Variants in HRK observed in about 807,000 individuals in gnomAD.
HRK encodes the protein activator of apoptosis harakiri.
A neutral mutation model predicts 5.9 loss-of-function variants in HRK; 6 were observed. That is an observed-to-expected ratio of 1.02 (90% confidence interval 0.56 to 2.01). The LOEUF (loss-of-function observed/expected upper bound fraction) is 2.01. Ranked by LOEUF, HRK falls within the 30% of genes most tolerant of loss-of-function variation. HRK has a pLI of 0.00. For missense variants in HRK, 133 were observed against 128.3 expected (o/e 1.04, Z -0.18); for synonymous variants, 85 against 65.1 (o/e 1.31, Z -1.47).
chr12:116,865,260 G>T (rs563100469), intron 1 of HRK, among the ~76,000 whole-genome samples: 15 of 152,228 alleles, frequency 9.9e-5, no homozygotes, highest in African/African-American at 3.4e-4. Flanking sequence ...AAAAAACCTT[G>T]GCCGGGTGTG....
chr12:116,868,549 T>C (rs1302190193), intron 1 of HRK, among the ~76,000 whole-genome samples: 2 of 152,226 alleles, frequency 1.3e-5, no homozygotes, highest in East Asian at 1.9e-4. Flanking sequence ...CTTTTGAGAA[T>C]TGGATCCAAA....
At position 116,862,578 on chromosome 12, in the gene HRK, G is replaced by A. The variant is rs893864646; in HGVS notation, c.*57-1112C>T. Among the ~76,000 whole-genome samples the A allele has an allele frequency of 2.0e-5, 3 of 152,106 alleles. No individual in the cohort carries two copies. The highest frequency in any genetic ancestry group is 6.5e-5 in the Admixed American group (1 of 15,272). ...GGCCGGGGCGGATAGGAGGAATTGGGGAGTGATACTCATGCGCATGGGGTT... is the reference window on the plus strand; with the variant it reads ...GGCCGGGGCGGATAGGAGGAATTGGAGAGTGATACTCATGCGCATGGGGTT... On this transcript the variant is annotated intron_variant, in intron 1 of 1. Coordinates refer to ENST00000257572, the MANE Select transcript of HRK (RefSeq NM_003806.4). The surrounding 1 kb of genome is among the most constrained non-coding windows in gnomAD (Gnocchi z 4.0).
chr12:116,877,060 AC>A (rs1878959927), intron 1 of HRK, among the ~76,000 whole-genome samples: 2 of 152,102 alleles, frequency 1.3e-5, no homozygotes, highest in Non-Finnish European at 1.5e-5. Context: ...ACTGCACTGG[AC>A]TTTTTTGAGA....
chr12:116,880,948 C>G (rs1452215658), intron 1 of HRK, 28 bp downstream of exon 1: 6 of 1,086,920 alleles, frequency 5.5e-6, no homozygotes, highest in Non-Finnish European at 7.0e-6. Flanking sequence ...GCTGCCGCGC[C>G]CCGGCTCTCG....
intron 1 of HRK, chr12:116,869,478 T>C (rs1245801477): frequency 6.6e-6 from 1 of 152,274 alleles, no homozygotes; most frequent in Non-Finnish European, 1.5e-5. Context: ...AGCTGCTTTA[T>C]ACATAGTGCT....
chr12:116,866,922 A>G (rs950132101), intron 1 of HRK, among the ~76,000 whole-genome samples: 5 of 152,132 alleles, frequency 3.3e-5, no homozygotes, highest in Admixed American at 1.3e-4. Flanking sequence ...CCCACATGTT[A>G]TACTATGCAC....
chr12:116,876,343 G>T (rs952989969), intron 1 of HRK, among the ~76,000 whole-genome samples: 2 of 152,230 alleles, frequency 1.3e-5, no homozygotes, highest in African/African-American at 4.8e-5. Context: ...CAGGGGTGCT[G>T]CGAGCTGGGA....
At chr12:116,863,140 A>C (rs1163007368) in intron 1 of HRK, among the ~76,000 whole-genome samples, 2 of 152,206 alleles carry the variant, frequency 1.3e-5, no homozygotes, top group Non-Finnish European at 2.9e-5. Flanking sequence ...TGGGTAATAC[A>C]CACCAAGTGA....
rs1262713694 is a variant in HRK, at chr12:116,859,855, T to C, written c.*1668A>G. The C allele has an allele frequency of 6.6e-6, 1 of 152,208 alleles. No homozygotes were observed. Among genetic ancestry groups the C allele is most frequent in the Non-Finnish European group, 1.5e-5 (1 of 68,070 alleles). The allele number at this position is 152,208 out of a possible 1,614,324, so 9.4% of individuals were successfully genotyped here. A position where few individuals can be genotyped will look rare whatever the true frequency, so the allele number is the denominator to read the frequency against. ...GGACCTGGTCATTTACAGCAAAGCC[T>C]ATGGAGGGATAATTCCCATTTCAGC... On this transcript the variant is annotated 3_prime_UTR_variant, in exon 2 of 2. Coordinates refer to ENST00000257572, the MANE Select transcript of HRK (RefSeq NM_003806.4).
In HRK at chr12:116,881,163, T is replaced by A. The variant is rs561976658; in HGVS notation, c.145A>T (p.Met49Leu). 266 of 1,170,760 alleles carry A rather than the reference T, an allele frequency of 2.3e-4. No homozygotes were observed. In the African/African-American group the frequency reaches 4.0e-3, roughly 18 times the overall value. The allele number at this position is 1,170,760 out of a possible 1,614,324, so 72.5% of individuals were successfully genotyped here. ...ALGDELHQRTMWRRRARSRRA... is the reference protein window; with the variant it reads ...ALGDELHQRTLWRRRARSRRA... Reference sequence around the variant, plus strand: ...CGGCTCCGCGCGCGGCGCCGCCACATGGTGCGCTGGTGCAGCTCGTCGCCT... The same window carrying A: ...CGGCTCCGCGCGCGGCGCCGCCACAAGGTGCGCTGGTGCAGCTCGTCGCCT... Residue 49 changes from methionine to leucine, a missense_variant, in exon 1 of 2, where the codon ATG becomes TTG. Transcript: ENST00000257572.
rs1878137854 is a variant in HRK at position 116,856,190 on chromosome 12, C to A, written c.*5333G>T. 6.6e-6 allele frequency: 1 copy of A among 152,184 alleles called. No homozygotes were observed. The highest frequency in any genetic ancestry group is 2.4e-5 in the African/African-American group (1 of 41,416). The allele number at this position is 152,184 out of a possible 1,614,324, so 9.4% of individuals were successfully genotyped here. On this transcript the variant is annotated 3_prime_UTR_variant, in exon 2 of 2. Transcript: ENST00000257572. The surrounding 1 kb of genome is among the most constrained non-coding windows in gnomAD (Gnocchi z 4.4). ...TTAATAAAGTCATTACAAATATGTA[C>A]AAAGCGTCTCCAAGGTATGAAATTC... is the stretch of plus-strand genomic sequence containing the variant.
rs933705818 is a variant in HRK, at chr12:116,856,566, C to T, written c.*4957G>A. The T allele has an allele frequency of 6.6e-6, 1 of 152,166 alleles. No individual in the cohort carries two copies. Among genetic ancestry groups the T allele is most frequent in the African/African-American group, 2.4e-5 (1 of 41,430 alleles). 9.4% of individuals were successfully genotyped at this position (152,166 alleles called of 1,614,324 possible). On this transcript the variant is annotated 3_prime_UTR_variant, in exon 2 of 2. Coordinates refer to ENST00000257572, the MANE Select transcript of HRK (RefSeq NM_003806.4). The surrounding 1 kb of genome is among the most constrained non-coding windows in gnomAD (Gnocchi z 4.4). ...GGTTAGGGCATGAGTATATAAAATC[C>T]ACAACGAAACCAACCAGCCTGTCCT...
intron 1 of HRK, among the ~76,000 whole-genome samples, chr12:116,868,625 T>C (rs1878632366): frequency 6.6e-6 from 1 of 152,220 alleles, no homozygotes; most frequent in Non-Finnish European, 1.5e-5. Context: ...GTTATTAGCT[T>C]GATTACTGGG....
intron 1 of HRK, among the ~76,000 whole-genome samples, chr12:116,864,449 C>A (rs1411578929): frequency 6.6e-6 from 1 of 152,142 alleles, no homozygotes; most frequent in African/African-American, 2.4e-5. Flanking sequence ...GGAGGTGAAC[C>A]AATAGCCTAG....
chr12:116,873,124 TTTTTGTTTTG>T (rs373165953), intron 1 of HRK, among the ~76,000 whole-genome samples: 21 of 152,020 alleles, frequency 1.4e-4, no homozygotes, highest in African/African-American at 4.4e-4. Context: ...CTTTTTCATT[TTTTTGTTTTG>T]TTTTGTTTTG....
intron 1 of HRK, among the ~76,000 whole-genome samples, chr12:116,874,513 G>A (rs1484353344): frequency 1.3e-5 from 2 of 152,032 alleles, no homozygotes; most frequent in Non-Finnish European, 2.9e-5. Context: ...TTATCTCTGT[G>A]TTAGATTGCA....
Position 116,857,299 on chromosome 12 carries a change from TA to T in HRK, c.*4223del, listed in dbSNP as rs1367493577. 2.0e-5 allele frequency: 3 copies of T among 152,236 alleles called. No homozygotes were observed. Among genetic ancestry groups the T allele is most frequent in the Non-Finnish European group, 2.9e-5 (2 of 68,046 alleles). The allele number at this position is 152,236 out of a possible 1,614,324, so 9.4% of individuals were successfully genotyped here. A position where few individuals can be genotyped will look rare whatever the true frequency, so the allele number is the denominator to read the frequency against. ...TATGCTAAATGAATGAATGAGAATT[TA>T]AAAAATAAACTTTCAGCTTAAGCTT... On this transcript the variant is annotated 3_prime_UTR_variant, in exon 2 of 2. Transcript: ENST00000257572.
intron 1 of HRK, among the ~76,000 whole-genome samples, chr12:116,876,182 G>A (rs183174554): frequency 1.3e-5 from 2 of 152,262 alleles, no homozygotes; most frequent in Non-Finnish European, 2.9e-5. Context: ...CTATGCGAGC[G>A]GATGACTCCA....
intron 1 of HRK, among the ~76,000 whole-genome samples, chr12:116,866,071 T>C (rs1878533866): frequency 7.0e-6 from 1 of 143,548 alleles, no homozygotes. Flanking sequence ...GACAGGAGAA[T>C]CACTTAAACC....
Sources: gnomAD v4.1 joint callset for allele counts (sites outside exome capture counted in the v4.1 genomes callset) on GRCh38, gnomAD v4.1.1 for gene constraint, Gnocchi (gnomAD v3.1) non-coding constraint, MANE v1.5 for transcripts, NCBI Gene and HGNC (gene_info 2026-07-23, HGNC 2026-07-21) for gene names.